IRAG2: variants seen among roughly 807,000 people sequenced by gnomAD.
IRAG2 encodes lymphoid restricted membrane protein.
In IRAG2, 45 loss-of-function variants were observed where a neutral mutation model predicts 69.9. That is an observed-to-expected ratio of 0.64 (90% CI 0.51 to 0.83). IRAG2 has a LOEUF of 0.83. Among genes scored for constraint, IRAG2 ranks in the 40% least tolerant of loss-of-function variants. The pLI is 0.00. For missense variants in IRAG2, 520 were observed against 587.0 expected (o/e 0.89, Z 1.18); for synonymous variants, 193 against 202.4 (o/e 0.95, Z 0.40).
chr12:25,104,704 C>T (rs1019427894), intron 20 of IRAG2, among the ~76,000 whole-genome samples: 1 of 152,066 alleles, frequency 6.6e-6, no homozygotes, highest in Non-Finnish European at 1.5e-5. Flanking sequence ...CTGGAGTTTG[C>T]CATATTTGTG....
In IRAG2 at chr12:25,090,092, T is replaced by G. The variant is rs188872736; in HGVS notation, c.501T>G (p.Cys167Trp). The G allele has an allele frequency of 1.9e-6, 3 of 1,613,970 alleles. No individual in the cohort carries two copies. Among genetic ancestry groups the G allele is most frequent in the Non-Finnish European group, 2.5e-6 (3 of 1,179,936 alleles). The change falls in exon 14 of 22, where the codon TGT (cysteine) becomes TGG (tryptophan). Residue 167 changes from cysteine to tryptophan, a missense_variant. Physicochemically the swap from Cys to Trp is radical, Grantham distance 215. Transcript: ENST00000556887. ...TCAGATTATCTTTGGGATTTAAGTG[T>G]GACTGGTTTACCTTGGAGAAGAGAG... ...EFLRLSLGFK[C>W]DWFTLEKRVK... is the part of the protein sequence containing the mutation.
chr12:25,063,841 C>A, intron 4 of IRAG2, 25 bp downstream of exon 4: 1 of 398,932 alleles, frequency 2.5e-6, no homozygotes, highest in South Asian at 1.3e-4. Context: ...TATACCTGCT[C>A]AGACACAAGT....
chr12:25,022,869 T>C (rs1026523869), intron 7 of IRAG2, among the ~76,000 whole-genome samples: 1 of 152,240 alleles, frequency 6.6e-6, no homozygotes, highest in Non-Finnish European at 1.5e-5. Flanking sequence ...CTCACGCCTG[T>C]AATCCCAGTA....
chr12:25,040,971 T>G (rs1944743809), intron 16 of IRAG2, among the ~76,000 whole-genome samples: 1 of 152,052 alleles, frequency 6.6e-6, no homozygotes, highest in South Asian at 2.1e-4. Flanking sequence ...TAAATCAGGA[T>G]AAGAAGACAG....
chr12:25,025,453 G>A (rs181927947), intron 8 of IRAG2, among the ~76,000 whole-genome samples: 5 of 152,312 alleles, frequency 3.3e-5, no homozygotes, highest in Admixed American at 3.3e-4. Context: ...GAGCTGGAGG[G>A]TCCAGACACA....
intron 5 of IRAG2, among the ~76,000 whole-genome samples, chr12:25,016,726 C>T (rs777083670): frequency 6.8e-6 from 1 of 147,872 alleles, no homozygotes; most frequent in African/African-American, 2.5e-5. Flanking sequence ...CCATCTTGGG[C>T]GACAGAGCAA....
At chr12:25,066,995 A>G (rs1683166) in intron 5 of IRAG2, among the ~76,000 whole-genome samples, 137,285 of 152,200 alleles carry the variant, frequency 0.9, 61,994 homozygotes, top group East Asian at 1. Flanking sequence ...AGTTTTCTTG[A>G]AGTGTAGTTT....
chr12:25,022,196 G>A (rs1216804772), intron 7 of IRAG2, among the ~76,000 whole-genome samples: 1 of 152,182 alleles, frequency 6.6e-6, no homozygotes, highest in African/African-American at 2.4e-5. Flanking sequence ...TTCCTGTTAG[G>A]AATTGGTAAT....
At chr12:25,003,783 A>G (rs1944410456), upstream of IRAG2, among the ~76,000 whole-genome samples, 1 of 152,224 alleles carries the variant, frequency 6.6e-6, no homozygotes, top group Non-Finnish European at 1.5e-5. Flanking sequence ...TTTAGACATA[A>G]TACACATAAA....
intron 16 of IRAG2, among the ~76,000 whole-genome samples, chr12:25,042,326 C>T (rs568815373): frequency 2.4e-4 from 37 of 152,148 alleles, no homozygotes; most frequent in African/African-American, 8.7e-4. Flanking sequence ...ATTTATCATT[C>T]GAACATGTTG....
At chr12:25,107,772 T>C in intron 21 of IRAG2, 45 bp from the exon 22 acceptor site, 1 of 1,585,558 alleles carries the variant, frequency 6.3e-7, no homozygotes, top group South Asian at 1.1e-5. Flanking sequence ...ATGTTTCTAA[T>C]GACAAATTAC....
In IRAG2 at chr12:25,106,940, C is replaced by T. The variant is rs760572712; in HGVS notation, c.1149-3C>T. 4.8e-5 allele frequency: 69 copies of T among 1,452,102 alleles called. No homozygotes were observed. Among genetic ancestry groups the T allele is most frequent in the Non-Finnish European group, 6.4e-5 (68 of 1,055,438 alleles). The allele number at this position is 1,452,102 out of a possible 1,614,324, so 90.0% of individuals were successfully genotyped here. A position where few individuals can be genotyped will look rare whatever the true frequency, so the allele number is the denominator to read the frequency against. On this transcript the variant is annotated splice_polypyrimidine_tract_variant and splice_region_variant and intron_variant, in intron 20 of 21. Coordinates refer to ENST00000556887, the MANE Select transcript of IRAG2 (RefSeq NM_001366544.2). ...AAATATTAAAAACAACATTTATTTACAGAACTAAAGATGACTCAGAGCCAT... is the reference window on the plus strand; with the variant it reads ...AAATATTAAAAACAACATTTATTTATAGAACTAAAGATGACTCAGAGCCAT...
chr12:25,003,769 G>T (rs557180446), upstream of IRAG2, among the ~76,000 whole-genome samples: 2 of 152,188 alleles, frequency 1.3e-5, no homozygotes, highest in Non-Finnish European at 2.9e-5. Flanking sequence ...GGGTTTATGT[G>T]AAATTTAGAC....
At chr12:25,068,206 A>G (rs1324217574) in intron 5 of IRAG2, among the ~76,000 whole-genome samples, 2 of 152,086 alleles carry the variant, frequency 1.3e-5, no homozygotes, top group Non-Finnish European at 2.9e-5. Context: ...CCTGGACTCA[A>G]GTGATCCTCC....
rs183680223 is a variant in IRAG2 at position 25,009,045 on chromosome 12, G to C, written c.689-2299G>C. Among the ~76,000 whole-genome samples, 45 of 152,292 alleles carry C rather than the reference G, an allele frequency of 3.0e-4. No individual in the cohort carries two copies. In the East Asian group the frequency reaches 7.9e-3, roughly 27 times the overall value. ...ATGCCAGACATGGTAGCTCATGCCT[G>C]TAATCCCAGCAATTTTGGAAACCAA... On this transcript the variant is annotated intron_variant, in intron 2 of 38. Transcript: ENST00000636465.
chr12:25,097,372 G>A lies in IRAG2; in HGVS notation c.741+328G>A, dbSNP rs945914353. 3.6e-5 allele frequency: 6 copies of A among 167,874 alleles called. No homozygotes were observed. In the East Asian group the frequency reaches 9.7e-4, roughly 27 times the overall value. 10.4% of individuals were successfully genotyped at this position (167,874 alleles called of 1,614,324 possible). A position where few individuals can be genotyped will look rare whatever the true frequency, so the allele number is the denominator to read the frequency against. ...CATCATACAACATAGGTAACTTTCT[G>A]TGTGATATAATTATATACTCACATG... is the stretch of plus-strand genomic sequence containing the variant. On this transcript the variant is annotated intron_variant, in intron 15 of 21. Coordinates refer to ENST00000556887, the MANE Select transcript of IRAG2 (RefSeq NM_001366544.2).
chr12:25,056,901 G>GAGTC (rs1945289777), intron 1 of IRAG2, among the ~76,000 whole-genome samples: 1 of 152,124 alleles, frequency 6.6e-6, no homozygotes, highest in African/African-American at 2.4e-5. Flanking sequence ...TCCCTCCCCA[G>GAGTC]AGTCACTCTG....
Position 25,101,260 on chromosome 12 carries a change from A to T in IRAG2, c.824A>T (p.Glu275Val), listed in dbSNP as rs761220240. Residue 275 changes from glutamate (E) to valine (V), a missense_variant, in exon 16 of 22, where the codon GAA becomes GTA. By Grantham distance (121) the Glu-to-Val change is moderately radical. Coordinates refer to ENST00000556887, the MANE Select transcript of IRAG2 (RefSeq NM_001366544.2). ...AGGATGTATGCCAAAGAGCACGCTG[A>T]ATTAGAAGAACTGAAACAGGTTCTT... ...LKRMYAKEHA[E>V]LEELKQVLLQ... is the part of the protein sequence containing the mutation. 1 of 1,612,626 alleles carries T rather than the reference A, an allele frequency of 6.2e-7. No individual in the cohort carries two copies. The highest frequency in any genetic ancestry group is 1.1e-5 in the South Asian group (1 of 90,924).
chr12:25,083,384 G>T (rs186503275), intron 9 of IRAG2, 39 bp from the exon 10 acceptor site: 3 of 1,321,004 alleles, frequency 2.3e-6, no homozygotes, highest in Admixed American at 3.4e-5. Flanking sequence ...ACTTGCTCCT[G>T]CCCCCCTAAC....
Sources: allele counts gnomAD v4.1 joint callset (sites outside exome capture counted in the v4.1 genomes callset), GRCh38; gene constraint gnomAD v4.1.1; transcripts MANE v1.5; gene names NCBI Gene and HGNC (gene_info 2026-07-23, HGNC 2026-07-21).